The following TJP1 variants were observed in gnomAD, a reference collection of about 807,000 sequenced individuals.
TJP1 encodes tight junction protein 1.
A neutral mutation model predicts 194.2 loss-of-function variants in TJP1; 43 were observed. The ratio of observed to expected loss-of-function variants is 0.22; its 90% CI spans 0.17 to 0.29. TJP1 has a LOEUF of 0.29. TJP1 is among the 10% of genes least tolerant of loss of function. The probability of loss-of-function intolerance (pLI) is 1.00; values close to 1 mark genes in which losing one functional copy is unlikely to be tolerated. For synonymous variants in TJP1, 801 were observed against 779.0 expected, an observed-to-expected ratio of 1.03 and a Z score of -0.47; for missense variants, 1,971 against 2,185.7, an observed-to-expected ratio of 0.90 and a Z score of 1.96.
At chr15:29,701,747 C>T in intron 27 of TJP1, 58 bp from the exon 28 acceptor site, 1 of 1,313,152 alleles carries the variant, frequency 7.6e-7, no homozygotes, top group East Asian at 2.3e-5. Context: ...ATCCGTAATG[C>T]TTTGCAATTA....
intron 2 of TJP1, among the ~76,000 whole-genome samples, chr15:29,914,430 G>A (rs2054119162): frequency 6.6e-6 from 1 of 152,180 alleles, no homozygotes; most frequent in Non-Finnish European, 1.5e-5. Context: ...AAGCCAGGCA[G>A]CAGCAGGACA....
chr15:29,864,838 A>G (rs1020043451), intron 2 of TJP1, among the ~76,000 whole-genome samples: 1 of 152,162 alleles, frequency 6.6e-6, no homozygotes, highest in African/African-American at 2.4e-5. Flanking sequence ...CTTACTCAGT[A>G]CTGAGGGTGA....
intron 2 of TJP1, among the ~76,000 whole-genome samples, chr15:29,954,576 T>C (rs537917582): frequency 6.6e-6 from 1 of 152,330 alleles, no homozygotes; most frequent in South Asian, 2.1e-4. Flanking sequence ...CCTTAACTGT[T>C]AGTTCTACTC....
Position 29,718,702 on chromosome 15 carries a change from TC to T in TJP1, c.3439del (p.Glu1147AsnfsTer80). The T allele has an allele frequency of 6.2e-7, 1 of 1,614,178 alleles. No individual in the cohort carries two copies. The highest frequency in any genetic ancestry group is 8.5e-7 in the Non-Finnish European group (1 of 1,180,036). ...CAGGGCGGATGCTCTAGGTGCCTGT[TC>T]GTAACGTGGTCTGCTGTCGTAAGAC... ...PLSYDSRPRY[E>X]QAPRASALRH... On this transcript the variant is annotated frameshift_variant, in exon 21 of 28. Transcript: ENST00000614355. LOFTEE classifies it high-confidence loss of function.
At chr15:29,768,762 A>C (rs1269113258) in intron 4 of TJP1, among the ~76,000 whole-genome samples, 1 of 152,230 alleles carries the variant, frequency 6.6e-6, no homozygotes, top group Non-Finnish European at 1.5e-5. Context: ...AGTTATAAAC[A>C]TGAATAATAA....
intron 15 of TJP1, chr15:29,730,624 G>A: frequency 3.3e-6 from 2 of 610,560 alleles, no homozygotes; most frequent in East Asian, 7.3e-5. Context: ...GCAGTGTGAA[G>A]AAGAGGCGAG....
chr15:29,838,094 G>A (rs1320533473), intron 2 of TJP1, among the ~76,000 whole-genome samples: 4 of 152,138 alleles, frequency 2.6e-5, no homozygotes, highest in South Asian at 2.1e-4. Flanking sequence ...AATATCCACT[G>A]TTCTATAAAA....
intron 2 of TJP1, among the ~76,000 whole-genome samples, chr15:29,857,522 G>A (rs966040855): frequency 6.6e-6 from 1 of 151,968 alleles, no homozygotes; most frequent in Non-Finnish European, 1.5e-5. Context: ...CTTGCCACAT[G>A]GACAAGAAGC....
At position 29,708,864 on chromosome 15, in the gene TJP1, C is replaced by T; in HGVS notation, c.4545G>A (p.Gln1515=). ...ATGCTGGAGTGACTGTTTTCTGAGT[C>T]TGTTCAGTTCCATTAACTGGGGCTT... The part of the protein sequence containing the change: ...PDKAPVNGTE[Q]TQKTVTPAYN... The change falls in exon 25 of 28, where the codon CAG becomes CAA. Residue 1515 remains glutamine (Q), a synonymous_variant. Transcript: ENST00000614355. 1 of 1,614,110 alleles carries T rather than the reference C, an allele frequency of 6.2e-7. No homozygotes were observed. The highest frequency in any genetic ancestry group is 8.5e-7 in the Non-Finnish European group (1 of 1,180,024).
At chr15:29,930,300 CACTT>C (rs1464605995) in intron 2 of TJP1, among the ~76,000 whole-genome samples, 3 of 152,172 alleles carry the variant, frequency 2.0e-5, no homozygotes, top group Non-Finnish European at 4.4e-5. Flanking sequence ...ATGAACATCT[CACTT>C]ACTAACAGAT....
intron 16 of TJP1, 86 bp from the exon 17 acceptor site, chr15:29,727,077 G>C: frequency 8.3e-7 from 1 of 1,200,300 alleles, no homozygotes; most frequent in Admixed American, 1.9e-5. Context: ...AGTGGCTCAC[G>C]CTACGCCTAT....
chr15:29,708,628 G>C lies in TJP1; in HGVS notation c.4781C>G (p.Ser1594Cys), dbSNP rs200957753. The C allele has an allele frequency of 2.5e-4, 411 of 1,614,074 alleles. 2 individuals are homozygous for C. In the Middle Eastern group the frequency reaches 6.7e-3, roughly 26 times the overall value. ...PEFDSGVETF[S>C]IHAEKPKYQI... ...ATATTTAGGCTTCTCTGCATGGATA[G>C]AGAAAGTTTCAACTCCACTGTCAAA... Residue 1594 changes from serine (S) to cysteine (C), a missense_variant, in exon 25 of 28, where the codon TCT (serine) becomes TGT (cysteine). Around this residue, in one of 5 missense-constraint regions of TJP1, gnomAD observed 1,108 missense variants for 1,128.5 expected, o/e 0.98. Coordinates refer to ENST00000614355, the MANE Select transcript of TJP1 (RefSeq NM_001330239.4).
chr15:29,745,317 A>AAACC, intron 8 of TJP1, among the ~76,000 whole-genome samples: 1 of 150,654 alleles, frequency 6.6e-6, no homozygotes, highest in African/African-American at 2.5e-5. Context: ...AAAAAAAAAA[A>AAACC]CTTAATGAAT....
chr15:29,819,993 T>C (rs1460070784), intron 1 of TJP1, among the ~76,000 whole-genome samples: 1 of 152,148 alleles, frequency 6.6e-6, no homozygotes, highest in Non-Finnish European at 1.5e-5. Context: ...TGGAAACAAA[T>C]GTCTATCAAG....
rs1406063818 is a variant in TJP1, at chr15:29,901,836, AAGTGTCACTTT to A, written c.306+54385_306+54395del. ...ACTCTATCTCAAAAAAAAAAAAAAAAAGTGTCACTTTTAATAACATTACTCAATTGATGACA... is the reference window on the plus strand; with the variant it reads ...ACTCTATCTCAAAAAAAAAAAAAAAATAATAACATTACTCAATTGATGACA... On this transcript the variant is annotated intron_variant, in intron 2 of 28. Transcript: ENST00000356107. 2.6e-5 allele frequency among the ~76,000 whole-genome samples: 4 copies of A among 151,940 alleles called. No individual in the cohort carries two copies. The East Asian group carries it at 7.7e-4, about 29-fold the overall frequency.
At chr15:29,841,537 T>C (rs978466573) in intron 2 of TJP1, among the ~76,000 whole-genome samples, 2 of 152,218 alleles carry the variant, frequency 1.3e-5, no homozygotes, top group East Asian at 3.8e-4. Flanking sequence ...TTTTACTTTG[T>C]GATGATTCTA....
intron 2 of TJP1, among the ~76,000 whole-genome samples, chr15:29,909,395 C>G (rs949541541): frequency 4.0e-5 from 6 of 150,478 alleles, no homozygotes; most frequent in African/African-American, 1.2e-4. Context: ...TTTAAACTTC[C>G]AGCTATTGTG....
intron 2 of TJP1, among the ~76,000 whole-genome samples, chr15:29,872,521 A>C (rs1484637487): frequency 6.6e-6 from 1 of 152,218 alleles, no homozygotes; most frequent in African/African-American, 2.4e-5. Context: ...CTTAAGGCAC[A>C]TAACCTCTTT....
intron 18 of TJP1, among the ~76,000 whole-genome samples, chr15:29,722,114 C>T (rs184965961): frequency 5.9e-5 from 9 of 152,258 alleles, no homozygotes; most frequent in African/African-American, 2.2e-4. Flanking sequence ...AAATAAAAAC[C>T]CATTTTCTGG....
Sources: allele counts gnomAD v4.1 joint callset (sites outside exome capture counted in the v4.1 genomes callset), GRCh38; gene constraint gnomAD v4.1.1; regional missense constraint gnomAD v4.1.1; transcripts MANE v1.5; gene names NCBI Gene and HGNC (gene_info 2026-07-23, HGNC 2026-07-21).